The following CACNA2D3 variants were observed in gnomAD, a reference collection of about 807,000 sequenced individuals.
The protein encoded by CACNA2D3 is voltage-dependent calcium channel subunit alpha-2/delta-3.
CACNA2D3 carries 60 observed loss-of-function variants against 160.6 expected under a neutral mutation model. The ratio of observed to expected loss-of-function variants is 0.37; its 90% CI spans 0.30 to 0.46. The LOEUF is 0.46. Ranked by LOEUF, CACNA2D3 falls within the 20% of genes least tolerant of loss-of-function variation. The probability of loss-of-function intolerance (pLI) is 1.00; values close to 1 mark genes in which losing one functional copy is unlikely to be tolerated. For synonymous variants in CACNA2D3, 558 were observed against 492.9 expected (o/e 1.13, Z -1.75); for missense variants, 1,205 against 1,365.0 (o/e 0.88, Z 1.85).
At chr3:54,405,167 C>A (rs1464910625) in intron 4 of CACNA2D3, among the ~76,000 whole-genome samples, 1 of 150,944 alleles carries the variant, frequency 6.6e-6, no homozygotes, top group Non-Finnish European at 1.5e-5. Context: ...AGATCCAATG[C>A]AATCCCTATC....
At chr3:54,504,968 C>T (rs1373937255) in intron 5 of CACNA2D3, among the ~76,000 whole-genome samples, 5 of 152,090 alleles carry the variant, frequency 3.3e-5, no homozygotes, top group Non-Finnish European at 5.9e-5. Flanking sequence ...TGGAAAATAA[C>T]GTGAATACAA....
At chr3:54,581,305 G>T (rs552440873) in intron 8 of CACNA2D3, among the ~76,000 whole-genome samples, 4 of 152,338 alleles carry the variant, frequency 2.6e-5, no homozygotes, top group South Asian at 2.1e-4. Context: ...TGCATGGACA[G>T]TTTCCTGATC....
intron 11 of CACNA2D3, among the ~76,000 whole-genome samples, chr3:54,694,153 C>A (rs536725777): frequency 6.6e-6 from 1 of 152,310 alleles, no homozygotes; most frequent in Non-Finnish European, 1.5e-5. Context: ...CATTTTTAAT[C>A]TTCTATACCA....
intron 4 of CACNA2D3, among the ~76,000 whole-genome samples, chr3:54,483,850 A>G (rs573584238): frequency 1.3e-4 from 20 of 152,364 alleles, no homozygotes; most frequent in Admixed American, 5.2e-4. Context: ...CAGAACACCT[A>G]CTAAATACAA....
chr3:54,758,037 TAAC>T (rs944384457), intron 12 of CACNA2D3, among the ~76,000 whole-genome samples: 17 of 152,186 alleles, frequency 1.1e-4, no homozygotes, highest in African/African-American at 3.6e-4. Context: ...GTGCCATAAT[TAAC>T]AAAGGCCAGA....
intron 35 of CACNA2D3, among the ~76,000 whole-genome samples, chr3:55,071,531 T>C (rs1439799592): frequency 1.3e-5 from 2 of 152,202 alleles, no homozygotes; most frequent in East Asian, 3.8e-4. Context: ...TGACTGACTC[T>C]CTTTTTTCCT....
intron 13 of CACNA2D3, among the ~76,000 whole-genome samples, chr3:54,813,551 G>C (rs181681558): frequency 6.6e-6 from 1 of 152,074 alleles, no homozygotes; most frequent in Non-Finnish European, 1.5e-5. Context: ...GGTGGTGGGG[G>C]GTGTTGATTC....
intron 2 of CACNA2D3, among the ~76,000 whole-genome samples, chr3:54,283,220 TC>T (rs1365226667): frequency 6.6e-6 from 1 of 152,174 alleles, no homozygotes; most frequent in African/African-American, 2.4e-5. Flanking sequence ...AAGATGCCAG[TC>T]CTGTTTTCCC....
intron 11 of CACNA2D3, among the ~76,000 whole-genome samples, chr3:54,686,713 G>A (rs1243532741): frequency 6.6e-6 from 1 of 152,082 alleles, no homozygotes; most frequent in Non-Finnish European, 1.5e-5. Flanking sequence ...TAATTTCAGT[G>A]GATTATGCTT....
In CACNA2D3 at chr3:54,935,101, C is replaced by T. The variant is rs139307687; in HGVS notation, c.2450-33349C>T. Among the ~76,000 whole-genome samples, 140 of 152,266 alleles carry T rather than the reference C, an allele frequency of 9.2e-4. No homozygotes were observed. In the Middle Eastern group the frequency reaches 0.01, roughly 11 times the overall value. On this transcript the variant is annotated intron_variant, in intron 27 of 37. Coordinates refer to ENST00000474759, the MANE Select transcript of CACNA2D3 (RefSeq NM_018398.3). ...ACCTGTTTTCCATGAGAAGACTGCA[C>T]GTGATTTTGTTTGAACAAGGTAGGG... is the stretch of plus-strand genomic sequence containing the variant.
At chr3:54,264,846 G>C (rs1231840339) in intron 2 of CACNA2D3, among the ~76,000 whole-genome samples, 1 of 152,150 alleles carries the variant, frequency 6.6e-6, no homozygotes, top group Non-Finnish European at 1.5e-5. Context: ...TTGGTTTTCT[G>C]TTCTTGTGAT....
chr3:54,448,279 G>T (rs928941185), intron 4 of CACNA2D3, among the ~76,000 whole-genome samples: 6 of 152,176 alleles, frequency 3.9e-5, no homozygotes, highest in Non-Finnish European at 7.3e-5. Context: ...AATTAGCTAA[G>T]ACCTATGCCC....
intron 2 of CACNA2D3, among the ~76,000 whole-genome samples, chr3:54,158,809 G>A (rs4927999): frequency 0.49 from 74,396 of 152,078 alleles, 18,394 homozygotes; most frequent in East Asian, 0.61. Flanking sequence ...TGCAAAAGAA[G>A]TAGGCTCTCT....
intron 4 of CACNA2D3, among the ~76,000 whole-genome samples, chr3:54,434,055 G>A (rs2106779574): frequency 6.6e-6 from 1 of 152,268 alleles, no homozygotes; most frequent in Non-Finnish European, 1.5e-5. Context: ...ACTGGGTGGT[G>A]TTTGCATGGC....
chr3:54,919,629 T>G (rs1176461216), intron 27 of CACNA2D3, among the ~76,000 whole-genome samples: 5 of 152,216 alleles, frequency 3.3e-5, no homozygotes, highest in African/African-American at 4.8e-5. Context: ...GGTCATTCTT[T>G]CCTAGAGAGA....
intron 11 of CACNA2D3, among the ~76,000 whole-genome samples, chr3:54,745,329 A>G (rs562137148): frequency 8.2e-4 from 124 of 151,992 alleles, no homozygotes; most frequent in Non-Finnish European, 1.3e-3. Flanking sequence ...TGATTAGGGC[A>G]GGTGGTATGA....
In CACNA2D3 at chr3:54,893,137, A is replaced by G. The variant is rs565498335; in HGVS notation, c.2246+1687A>G. Reference sequence around the variant, plus strand: ...CTAAAAATACAAAAATTAGCCGGGCATGGTGGCACACACCTGTAATCCCAG... The same window carrying G: ...CTAAAAATACAAAAATTAGCCGGGCGTGGTGGCACACACCTGTAATCCCAG... On this transcript the variant is annotated intron_variant, in intron 25 of 37. Transcript: ENST00000474759. Among the ~76,000 whole-genome samples the G allele has an allele frequency of 4.6e-5, 7 of 152,272 alleles. No homozygotes were observed. The South Asian group carries it at 1.5e-3, about 32-fold the overall frequency.
rs1553897826 is a variant in CACNA2D3 at position 54,871,204 on chromosome 3, C to CACACACACACAGAG, written c.1627-324_1627-323insGAGACACACACACA. ...GGAGACACACACACACACACACACACACACACACACACACACACACCCCCC... is the reference window on the plus strand; with the variant it reads ...GGAGACACACACACACACACACACACACACACACACAGAGACACACACACACACACACACCCCCC... On this transcript the variant is annotated intron_variant, in intron 17 of 37. Transcript: ENST00000474759. Among the ~76,000 whole-genome samples the CACACACACACAGAG allele has an allele frequency of 7.7e-4, 112 of 145,924 alleles. 3 individuals are homozygous for CACACACACACAGAG. Among genetic ancestry groups the CACACACACACAGAG allele is most frequent in the African/African-American group, 2.5e-3 (93 of 37,318 alleles).
intron 4 of CACNA2D3, among the ~76,000 whole-genome samples, chr3:54,467,190 G>A (rs1700644211): frequency 6.6e-6 from 1 of 152,178 alleles, no homozygotes; most frequent in African/African-American, 2.4e-5. Context: ...TCAAAGCAAA[G>A]CATCAAATGC....
Sources: allele counts gnomAD v4.1 joint callset (sites outside exome capture counted in the v4.1 genomes callset), GRCh38; gene constraint gnomAD v4.1.1; transcripts MANE v1.5; gene names NCBI Gene and HGNC (gene_info 2026-07-23, HGNC 2026-07-21).